The following SPATA6L variants were observed in gnomAD, a reference collection of about 807,000 sequenced individuals.
SPATA6L encodes spermatogenesis associated 6-like protein.
SPATA6L carries 68 observed loss-of-function variants against 49.2 expected under a neutral mutation model. The ratio of observed to expected loss-of-function variants is 1.38; its 90% CI spans 1.14 to 1.69. The LOEUF (loss-of-function observed/expected upper bound fraction) is 1.69, where lower values mean the gene tolerates loss of function less well. Among genes scored for constraint, SPATA6L ranks in the 40% most tolerant of loss-of-function variants. The pLI is 0.00. For synonymous variants in SPATA6L, 198 were observed against 165.7 expected (o/e 1.19, Z -1.50); for missense variants, 668 against 464.3 (o/e 1.44, Z -4.03).
intron 3 of SPATA6L, among the ~76,000 whole-genome samples, chr9:4,651,626 T>G (rs1243583934): frequency 1.3e-5 from 2 of 152,098 alleles, no homozygotes; most frequent in Non-Finnish European, 2.9e-5. Flanking sequence ...CAGCAACATA[T>G]AGAAAGGCTT....
At position 4,662,064 on chromosome 9, in the gene SPATA6L, G is replaced by A. The variant is rs1435043556; in HGVS notation, c.40-28C>T. The A allele has an allele frequency of 5.6e-6, 9 of 1,611,118 alleles. No homozygotes were observed. Among genetic ancestry groups the A allele is most frequent in the African/African-American group, 2.7e-5 (2 of 74,716 alleles). ...TAAAAAGAAAGAAAACAACAAACAA[G>A]GGAGAGAAAACAGACTTTGCTTTGT... On this transcript the variant is annotated intron_variant, in intron 1 of 11. Transcript: ENST00000682582. The surrounding 1 kb of genome is among the most constrained non-coding windows in gnomAD (Gnocchi z 4.9).
At chr9:4,644,344 A>G (rs1049019539) in intron 3 of SPATA6L, among the ~76,000 whole-genome samples, 1 of 151,640 alleles carries the variant, frequency 6.6e-6, no homozygotes, top group Non-Finnish European at 1.5e-5. Context: ...TCTTGTCTCA[A>G]AAAATATATA....
In SPATA6L at chr9:4,599,103, C is replaced by G. The variant is rs1184169061; in HGVS notation, c.*1708G>C. ...TTTTATATACACTTTATACAGGTAG[C>G]CTGAAGGTAATTTTATACATGATTT... On this transcript the variant is annotated 3_prime_UTR_variant, in exon 12 of 12. Transcript: ENST00000682582. Among the ~76,000 whole-genome samples, 2 of 152,136 alleles carry G rather than the reference C, an allele frequency of 1.3e-5. No homozygotes were observed. Among genetic ancestry groups the G allele is most frequent in the Non-Finnish European group, 2.9e-5 (2 of 68,030 alleles).
intron 3 of SPATA6L, among the ~76,000 whole-genome samples, chr9:4,644,954 G>T (rs1427938403): frequency 6.6e-6 from 1 of 152,092 alleles, no homozygotes; most frequent in Non-Finnish European, 1.5e-5. Context: ...AAATGTTTTA[G>T]GCTTTGTAGG....
chr9:4,604,442 C>T (rs1379523029), intron 10 of SPATA6L, among the ~76,000 whole-genome samples, 173 bp from the exon 11 acceptor site: 3 of 152,024 alleles, frequency 2.0e-5, no homozygotes, highest in Non-Finnish European at 4.4e-5. Flanking sequence ...GAGACGAGGT[C>T]TCATTATGTT....
At chr9:4,624,375 G>A (rs1829950963) in intron 6 of SPATA6L, among the ~76,000 whole-genome samples, 2 of 152,168 alleles carry the variant, frequency 1.3e-5, no homozygotes, top group Admixed American at 1.3e-4. Context: ...TTATGCTGGT[G>A]ACCCAATGGA....
chr9:4,641,868 G>C (rs577227369), intron 3 of SPATA6L, among the ~76,000 whole-genome samples: 44 of 152,236 alleles, frequency 2.9e-4, no homozygotes, highest in African/African-American at 1.1e-3. Flanking sequence ...AACCTCTTTG[G>C]CTCAGGTGAC....
chr9:4,621,574 T>C (rs1276953629), intron 7 of SPATA6L, among the ~76,000 whole-genome samples: 2 of 152,066 alleles, frequency 1.3e-5, no homozygotes, highest in Non-Finnish European at 2.9e-5. Flanking sequence ...CTGCAACCTC[T>C]GCCTCCCGGG....
At chr9:4,606,083 C>G (rs1423608968) in intron 9 of SPATA6L, among the ~76,000 whole-genome samples, 1 of 152,114 alleles carries the variant, frequency 6.6e-6, no homozygotes, top group African/African-American at 2.4e-5. Context: ...CACTCCCACC[C>G]AAATACTGCG....
chr9:4,626,487 T>G lies in SPATA6L; in HGVS notation c.430-921A>C, dbSNP rs772803587. On this transcript the variant is annotated intron_variant, in intron 5 of 11. Coordinates refer to ENST00000682582, the MANE Select transcript of SPATA6L (RefSeq NM_001353486.2). ...CTTCTCCAGAGGTCTGGGTCCCATT[T>G]CTGTTCAGTTTCTTCTTTAAGCTTC... The G allele has an allele frequency of 1.5e-5, 19 of 1,304,394 alleles. 1 individual carries two copies. The highest frequency in any genetic ancestry group is 1.8e-5 in the Non-Finnish European group (18 of 988,970). 80.8% of individuals were successfully genotyped at this position (1,304,394 alleles called of 1,614,324 possible).
At position 4,626,697 on chromosome 9, in the gene SPATA6L, T is replaced by C. The variant is rs1044334952; in HGVS notation, c.430-1131A>G. 1.8e-5 allele frequency: 11 copies of C among 607,730 alleles called. No individual in the cohort carries two copies. The African/African-American group carries it at 1.9e-4, about 11-fold the overall frequency. The allele number at this position is 607,730 out of a possible 1,614,324, so 37.6% of individuals were successfully genotyped here. A position where few individuals can be genotyped will look rare whatever the true frequency, so the allele number is the denominator to read the frequency against. On this transcript the variant is annotated intron_variant, in intron 5 of 11. Transcript: ENST00000682582. ...CAGTCACAAGTTTGGTGTGGTTTCC[T>C]GACTGGACCCTGGCTGATATATCAG...
chr9:4,592,217 A>C (rs1428666738), intron 13 of SPATA6L, among the ~76,000 whole-genome samples: 5 of 150,766 alleles, frequency 3.3e-5, no homozygotes, highest in Non-Finnish European at 7.4e-5. Context: ...CGGGAGGCTG[A>C]GGCAGGAGAA....
At chr9:4,660,939 C>A (rs527762270) in intron 2 of SPATA6L, among the ~76,000 whole-genome samples, 6 of 152,052 alleles carry the variant, frequency 3.9e-5, no homozygotes, top group African/African-American at 1.5e-4. Context: ...GGACAGAAAA[C>A]CAAACACCGC....
At chr9:4,649,177 T>C (rs1159768248) in intron 3 of SPATA6L, among the ~76,000 whole-genome samples, 1 of 152,208 alleles carries the variant, frequency 6.6e-6, no homozygotes, top group Non-Finnish European at 1.5e-5. Flanking sequence ...TTGTGCTGCA[T>C]AAACATGCGT....
At chr9:4,652,621 G>C (rs1438126637) in intron 3 of SPATA6L, among the ~76,000 whole-genome samples, 1 of 151,508 alleles carries the variant, frequency 6.6e-6, no homozygotes, top group African/African-American at 2.4e-5. Flanking sequence ...AGTCCAAGGC[G>C]GGTGGATCAC....
chr9:4,601,330 G>A (rs1317925314), intron 11 of SPATA6L, among the ~76,000 whole-genome samples: 1 of 151,034 alleles, frequency 6.6e-6, no homozygotes, highest in African/African-American at 2.4e-5. Context: ...TGCCTTCCAA[G>A]AGAACTAGGG....
rs1335380064 is a variant in SPATA6L, at chr9:4,625,382, A to T, written c.614T>A (p.Leu205His). The change falls in exon 6 of 12, where the codon CTT (leucine) becomes CAT (histidine). Residue 205 changes from leucine (L) to histidine (H), a missense_variant. By Grantham distance (99) the Leu-to-His change is moderately conservative (BLOSUM62 -3). Coordinates refer to ENST00000682582, the MANE Select transcript of SPATA6L (RefSeq NM_001353486.2). ...TCCAGAGATTTTGAAATTATTTCCA[A>T]GGTTCAACTGAGCTGGCTGGTCCTG... Reference protein sequence around the residue: ...FFQDQPAQLNLGNNFKISGGS... With the variant: ...FFQDQPAQLNHGNNFKISGGS... 6.2e-7 allele frequency: 1 copy of T among 1,614,082 alleles called. No individual in the cohort carries two copies. Among genetic ancestry groups the T allele is most frequent in the Admixed American group, 1.7e-5 (1 of 59,996 alleles).
At chr9:4,637,522 G>T (rs921347689) in intron 3 of SPATA6L, among the ~76,000 whole-genome samples, 1 of 152,150 alleles carries the variant, frequency 6.6e-6, no homozygotes, top group African/African-American at 2.4e-5. Context: ...TGCTGGCAGG[G>T]CTGTCCCTAG....
chr9:4,641,324 A>G (rs1286571962), intron 3 of SPATA6L, among the ~76,000 whole-genome samples: 3 of 152,170 alleles, frequency 2.0e-5, no homozygotes, highest in African/African-American at 7.2e-5. Flanking sequence ...GAAAATATCC[A>G]TGAATGCTCA....
Sources: allele counts gnomAD v4.1 joint callset (sites outside exome capture counted in the v4.1 genomes callset), GRCh38; gene constraint gnomAD v4.1.1; non-coding constraint Gnocchi (gnomAD v3.1); transcripts MANE v1.5; gene names NCBI Gene and HGNC (gene_info 2026-07-23, HGNC 2026-07-21).